Variants in TMC1 observed in about 807,000 individuals in gnomAD.
The protein encoded by TMC1 is transmembrane channel like 1.
A neutral mutation model predicts 105.8 loss-of-function variants in TMC1; 84 were observed. That is an observed-to-expected ratio of 0.79 (90% CI 0.67 to 0.95). TMC1 has a LOEUF of 0.95. TMC1 is among the 40% of genes least tolerant of loss of function. The pLI is 0.00. For missense variants in TMC1, 817 were observed against 914.1 expected (o/e 0.89, Z 1.37); for synonymous variants, 315 against 311.5 (o/e 1.01, Z -0.12).
At chr9:72,630,674 A>T (rs899276307) in intron 4 of TMC1, among the ~76,000 whole-genome samples, 1 of 152,200 alleles carries the variant, frequency 6.6e-6, no homozygotes, top group Non-Finnish European at 1.5e-5. Context: ...ATATGTCTGC[A>T]TATGTATCTA....
chr9:72,531,111 T>G (rs1332903641), intron 1 of TMC1, among the ~76,000 whole-genome samples: 2 of 152,168 alleles, frequency 1.3e-5, no homozygotes, highest in Non-Finnish European at 1.5e-5. Flanking sequence ...GTGCTGGGAT[T>G]ACTGGCATGA....
At chr9:72,734,317 A>G (rs1389618925) in intron 8 of TMC1, among the ~76,000 whole-genome samples, 1 of 152,198 alleles carries the variant, frequency 6.6e-6, no homozygotes, top group African/African-American at 2.4e-5. Context: ...TTTGCCATGG[A>G]CTAAGCTAAA....
At chr9:72,581,676 T>C (rs898445177) in intron 2 of TMC1, among the ~76,000 whole-genome samples, 1 of 152,256 alleles carries the variant, frequency 6.6e-6, no homozygotes, top group Non-Finnish European at 1.5e-5. Flanking sequence ...GTTTATTGCC[T>C]TCTCATCTCC....
chr9:72,567,017 C>T (rs1824169110), intron 1 of TMC1, among the ~76,000 whole-genome samples: 3 of 152,196 alleles, frequency 2.0e-5, no homozygotes, highest in African/African-American at 7.2e-5. Flanking sequence ...TTCAAGCTCT[C>T]TAGTGTGGGG....
intron 5 of TMC1, among the ~76,000 whole-genome samples, chr9:72,672,260 T>C (rs1464539820): frequency 6.6e-6 from 1 of 151,980 alleles, no homozygotes; most frequent in Non-Finnish European, 1.5e-5. Flanking sequence ...TATTACTTAG[T>C]ACTTTTTTTA....
At chr9:72,672,623 A>G (rs1256085673) in intron 5 of TMC1, among the ~76,000 whole-genome samples, 2 of 151,970 alleles carry the variant, frequency 1.3e-5, no homozygotes, top group African/African-American at 2.4e-5. Flanking sequence ...TAATTAATTA[A>G]TTAGTCAGAT....
intron 5 of TMC1, among the ~76,000 whole-genome samples, chr9:72,653,423 C>T (rs561612156): frequency 2.6e-5 from 4 of 152,166 alleles, no homozygotes; most frequent in Non-Finnish European, 5.9e-5. Context: ...TGGACATCAA[C>T]AGGTGAATAG....
intron 2 of TMC1, among the ~76,000 whole-genome samples, chr9:72,590,618 A>G (rs1824623203): frequency 6.6e-6 from 1 of 152,232 alleles, no homozygotes; most frequent in Non-Finnish European, 1.5e-5. Context: ...TTCAACACAT[A>G]TTCGTTGGGT....
intron 7 of TMC1, among the ~76,000 whole-genome samples, chr9:72,699,720 G>A (rs1258083709): frequency 2.0e-5 from 3 of 152,098 alleles, no homozygotes; most frequent in Non-Finnish European, 4.4e-5. Context: ...ACATTGGGAG[G>A]CCGGGGAGGG....
At chr9:72,738,504 G>A (rs185285863) in intron 8 of TMC1, among the ~76,000 whole-genome samples, 90 of 151,842 alleles carry the variant, frequency 5.9e-4, no homozygotes, top group African/African-American at 2.0e-3. Flanking sequence ...TGCAACCTCC[G>A]CCTCCCAGGT....
At chr9:72,586,356 C>T (rs1232201808) in intron 2 of TMC1, among the ~76,000 whole-genome samples, 1 of 152,164 alleles carries the variant, frequency 6.6e-6, no homozygotes, top group Non-Finnish European at 1.5e-5. Flanking sequence ...TCTGTCTCTT[C>T]CACAAGATTT....
intron 18 of TMC1, among the ~76,000 whole-genome samples, chr9:72,810,462 G>T (rs1757463908): frequency 6.6e-6 from 1 of 152,082 alleles, no homozygotes; most frequent in Non-Finnish European, 1.5e-5. Context: ...AAGCTAATAT[G>T]AAAGTAAAAA....
At chr9:72,678,676 T>C (rs1826242191) in intron 5 of TMC1, among the ~76,000 whole-genome samples, 1 of 152,072 alleles carries the variant, frequency 6.6e-6, no homozygotes, top group African/African-American at 2.4e-5. Flanking sequence ...ATTCTATTAT[T>C]ATAGACTATA....
chr9:72,610,507 G>A lies in TMC1; in HGVS notation c.-305-5861G>A, dbSNP rs560203605. ...GCCAATGTTTCAGTTAAAGTCCAAG[G>A]GCAGGAAACACCAAGGTCCCAGCTC... On this transcript the variant is annotated intron_variant, in intron 2 of 23. Transcript: ENST00000297784. 2.8e-4 allele frequency among the ~76,000 whole-genome samples: 43 copies of A among 152,198 alleles called. No individual in the cohort carries two copies. The Middle Eastern group carries it at 0.01, about 36-fold the overall frequency.
At chr9:72,568,378 C>T (rs1177059224) in intron 1 of TMC1, among the ~76,000 whole-genome samples, 3 of 152,070 alleles carry the variant, frequency 2.0e-5, no homozygotes, top group Non-Finnish European at 2.9e-5. Context: ...AAAATGGAAA[C>T]GAGATTAGAA....
chr9:72,551,800 C>T (rs1432403445), intron 1 of TMC1, among the ~76,000 whole-genome samples: 3 of 151,938 alleles, frequency 2.0e-5, no homozygotes, highest in African/African-American at 4.8e-5. Flanking sequence ...CCAATATGGC[C>T]GGCATCCTCA....
intron 1 of TMC1, among the ~76,000 whole-genome samples, chr9:72,542,596 G>T (rs1306529836): frequency 6.6e-6 from 1 of 151,800 alleles, no homozygotes; most frequent in African/African-American, 2.4e-5. Flanking sequence ...CTCCAGCCTA[G>T]GGGGGAGAAA....
intron 18 of TMC1, among the ~76,000 whole-genome samples, chr9:72,809,342 G>T (rs1245193658): frequency 6.6e-6 from 1 of 152,178 alleles, no homozygotes; most frequent in Admixed American, 6.5e-5. Flanking sequence ...AAAAAGACAA[G>T]TTCCTGTTTT....
rs73647685 is a variant in TMC1 at position 72,649,576 on chromosome 9, C to T, written c.16+912C>T. ...CTATTTAATATGCTCATTTTATTAA[C>T]TTTAAACACCTGGAGAACATCATTA... On this transcript the variant is annotated intron_variant, in intron 5 of 23. Transcript: ENST00000297784. Among the ~76,000 whole-genome samples, 331 of 152,224 alleles carry T rather than the reference C, an allele frequency of 2.2e-3. 2 individuals carry two copies. The highest frequency in any genetic ancestry group is 7.7e-3 in the African/African-American group (320 of 41,538).
Sources: gnomAD v4.1 joint callset for allele counts (sites outside exome capture counted in the v4.1 genomes callset) on GRCh38, gnomAD v4.1.1 for gene constraint, MANE v1.5 for transcripts, NCBI Gene and HGNC (gene_info 2026-07-23, HGNC 2026-07-21) for gene names.